The following MGA variants were observed in gnomAD, a reference collection of about 807,000 sequenced individuals.
MGA encodes the protein MAX gene-associated protein.
A neutral mutation model predicts 261.1 loss-of-function variants in MGA; 40 were observed. The ratio of observed to expected loss-of-function variants is 0.15; its 90% CI spans 0.12 to 0.20. MGA has a LOEUF of 0.20. Among genes scored for constraint, MGA ranks in the 10% least tolerant of loss-of-function variants. The probability of loss-of-function intolerance (pLI) is 1.00; values close to 1 mark genes in which losing one functional copy is unlikely to be tolerated. For missense variants in MGA, 3,397 were observed against 3,630.5 expected (o/e 0.94, Z 1.65); for synonymous variants, 1,302 against 1,290.6 (o/e 1.01, Z -0.19).
intron 1 of MGA, among the ~76,000 whole-genome samples, chr15:41,668,106 A>G (rs4371125): frequency 0.71 from 107,019 of 151,192 alleles, 39,982 homozygotes; most frequent in East Asian, 0.89. Flanking sequence ...ACCTGGCATC[A>G]TATAGTATTA....
chr15:41,670,791 C>T (rs572882335), intron 2 of MGA, among the ~76,000 whole-genome samples: 32 of 152,338 alleles, frequency 2.1e-4, no homozygotes, highest in African/African-American at 7.5e-4. Flanking sequence ...CAGGCGTGAG[C>T]CACCGTGCCC....
Position 41,696,851 on chromosome 15 carries a change from G to C in MGA, c.1841G>C (p.Arg614Thr). ...GCCTCTCCAAATGTCCCTGGAAAAA[G>C]AGGAAGGCCACGAAAATTGAAACTC... The change falls in exon 3 of 24, where the codon AGA becomes ACA. Residue 614 changes from arginine (R) to threonine (T), a missense_variant. By Grantham distance (71) the Arg-to-Thr change is moderately conservative (BLOSUM62 -1). Transcript: ENST00000219905. 6.3e-7 allele frequency: 1 copy of C among 1,598,780 alleles called. No homozygotes were observed. Among genetic ancestry groups the C allele is most frequent in the Non-Finnish European group, 8.5e-7 (1 of 1,172,434 alleles).
intron 11 of MGA, among the ~76,000 whole-genome samples, chr15:41,731,082 A>AG (rs2061485490): frequency 6.6e-6 from 1 of 152,212 alleles, no homozygotes; most frequent in African/African-American, 2.4e-5. Context: ...AACATTCTTA[A>AG]GGGCAGCATT....
chr15:41,735,732 CAAAAA>C (rs879872384), intron 12 of MGA, among the ~76,000 whole-genome samples: 14 of 127,848 alleles, frequency 1.1e-4, no homozygotes, highest in African/African-American at 3.9e-4. Flanking sequence ...GACTCCGTCT[CAAAAA>C]AAAAAAAAAA....
chr15:41,732,349 C>T (rs1031547472), intron 11 of MGA, among the ~76,000 whole-genome samples: 1 of 152,092 alleles, frequency 6.6e-6, no homozygotes, highest in Non-Finnish European at 1.5e-5. Context: ...GGGGTTTCAC[C>T]ATGTTAGCCA....
intron 6 of MGA, 76 bp downstream of exon 6, chr15:41,707,935 T>C: frequency 6.6e-7 from 1 of 1,523,016 alleles, no homozygotes; most frequent in Non-Finnish European, 8.9e-7. Context: ...AGTAAAAAGC[T>C]ACCTTTATTG....
intron 1 of MGA, among the ~76,000 whole-genome samples, chr15:41,652,320 CCT>C (rs1428097524): frequency 6.9e-5 from 10 of 144,448 alleles, no homozygotes; most frequent in African/African-American, 2.6e-4. Context: ...CCTCCCCTCC[CCT>C]CTCTTCTTTC....
chr15:41,745,773 T>C (rs2062428676), intron 15 of MGA, among the ~76,000 whole-genome samples: 1 of 151,800 alleles, frequency 6.6e-6, no homozygotes, highest in Non-Finnish European at 1.5e-5. Flanking sequence ...CCTGGTTAAT[T>C]TTTTTGATTT....
chr15:41,633,513 G>GA (rs758243175), intron 1 of MGA, among the ~76,000 whole-genome samples: 1 of 151,874 alleles, frequency 6.6e-6, no homozygotes, highest in Non-Finnish European at 1.5e-5. Context: ...TGATGTTACA[G>GA]AAAAAAATAA....
At chr15:41,683,476 C>T (rs940891628) in intron 2 of MGA, among the ~76,000 whole-genome samples, 5 of 151,998 alleles carry the variant, frequency 3.3e-5, no homozygotes, top group African/African-American at 9.7e-5. Context: ...AAGTAGTCCT[C>T]GTGCCTCAGC....
intron 1 of MGA, among the ~76,000 whole-genome samples, chr15:41,630,340 T>C (rs2056561376): frequency 6.6e-6 from 1 of 152,216 alleles, no homozygotes; most frequent in Non-Finnish European, 1.5e-5. Flanking sequence ...CTTCAATTTA[T>C]AGCAAAATAC....
chr15:41,738,758 G>C (rs559461128), intron 13 of MGA, among the ~76,000 whole-genome samples: 10 of 152,160 alleles, frequency 6.6e-5, no homozygotes, highest in Admixed American at 2.6e-4. Context: ...GATCCGGGAG[G>C]GGGTATCTGA....
chr15:41,698,965 A>T, intron 4 of MGA, 24 bp downstream of exon 4: 1 of 1,545,036 alleles, frequency 6.5e-7, no homozygotes, highest in Non-Finnish European at 8.8e-7. Context: ...GTATAAAAAG[A>T]GTTGTATTTG....
intron 2 of MGA, among the ~76,000 whole-genome samples, chr15:41,686,284 A>G (rs1295683641): frequency 1.3e-5 from 2 of 152,108 alleles, no homozygotes; most frequent in Admixed American, 6.5e-5. Flanking sequence ...AGGCCGAGGT[A>G]GGAGGATCAC....
At chr15:41,643,333 C>T (rs149352264) in intron 1 of MGA, among the ~76,000 whole-genome samples, 2,193 of 151,820 alleles carry the variant, frequency 0.014, 42 homozygotes, top group South Asian at 0.069. Flanking sequence ...CTCCGCCTCC[C>T]GGGTTCATGT....
chr15:41,710,909 A>C lies in MGA; in HGVS notation c.2644A>C (p.Thr882Pro), dbSNP rs1471205047. ...GAAGCAATCTACTATTTCCCCTTCT[A>C]CCTCTTATTCTTTGAAACCTCATTC... is the stretch of plus-strand genomic sequence containing the variant. The change falls in exon 8 of 24, where the codon ACC becomes CCC. Residue 882 changes from threonine to proline, a missense_variant. Physicochemically the swap from Thr to Pro is conservative, Grantham distance 38 (BLOSUM62 -1). This residue lies in a region of MGA where 519 missense variants were observed against 554.1 expected (regional missense o/e 0.94). Transcript: ENST00000219905. 6 of 1,613,730 alleles carry C rather than the reference A, an allele frequency of 3.7e-6. No individual in the cohort carries two copies. The Admixed American group carries it at 5.0e-5, about 13-fold the overall frequency.
chr15:41,676,910 C>A (rs1270208204), intron 2 of MGA, among the ~76,000 whole-genome samples: 1 of 152,200 alleles, frequency 6.6e-6, no homozygotes, highest in Non-Finnish European at 1.5e-5. Context: ...TGCATAACAT[C>A]TACCTGGTTT....
intron 1 of MGA, among the ~76,000 whole-genome samples, chr15:41,648,086 G>T (rs2056970096): frequency 6.6e-6 from 1 of 152,046 alleles, no homozygotes; most frequent in African/African-American, 2.4e-5. Context: ...ATAATTATTT[G>T]CCTCTTAATT....
intron 17 of MGA, among the ~76,000 whole-genome samples, chr15:41,753,161 A>G (rs374039980): frequency 2.0e-5 from 3 of 152,122 alleles, no homozygotes; most frequent in South Asian, 2.1e-4. Flanking sequence ...TGTAATTCCA[A>G]CACTTTGGGA....
Sources: gnomAD v4.1 joint callset for allele counts (sites outside exome capture counted in the v4.1 genomes callset) on GRCh38, gnomAD v4.1.1 for gene constraint, gnomAD v4.1.1 regional missense constraint, MANE v1.5 for transcripts, NCBI Gene and HGNC (gene_info 2026-07-23, HGNC 2026-07-21) for gene names.